The following PCDH7 variants were observed in gnomAD, a reference collection of about 807,000 sequenced individuals.
PCDH7 encodes the protein protocadherin-7.
Under a neutral mutation model 58.9 loss-of-function variants are expected in PCDH7, and 17 were observed. The observed-to-expected ratio is 0.29, with a 90% CI of 0.20 to 0.43. The LOEUF (loss-of-function observed/expected upper bound fraction) is 0.43. PCDH7 is among the 20% of genes least tolerant of loss of function. The probability of loss-of-function intolerance (pLI) is 1.00; values close to 1 mark genes in which losing one functional copy is unlikely to be tolerated. For missense variants in PCDH7, 1,274 were observed against 1,441.0 expected (o/e 0.88, Z 1.88); for synonymous variants, 664 against 616.4 (o/e 1.08, Z -1.14).
At chr4:30,873,935 G>C (rs891134530) in intron 1 of PCDH7, among the ~76,000 whole-genome samples, 5 of 152,130 alleles carry the variant, frequency 3.3e-5, no homozygotes, top group African/African-American at 9.6e-5. Context: ...AACAGTATTT[G>C]AAAGCTCTTT....
chr4:31,062,693 T>C (rs1757782215), intron 3 of PCDH7, among the ~76,000 whole-genome samples: 1 of 151,834 alleles, frequency 6.6e-6, no homozygotes, highest in African/African-American at 2.4e-5. Context: ...CATATTCTTT[T>C]CAGGGTCATT....
chr4:31,136,474 G>A lies in PCDH7; in HGVS notation c.*8-5999G>A, dbSNP rs578212556. ...CTCTTTGCAGGAAGGGCCCAGGAAT[G>A]GTACAGATGATGCCACAGCAAGGAT... is the stretch of plus-strand genomic sequence containing the variant. On this transcript the variant is annotated intron_variant, in intron 3 of 3. Coordinates refer to the PCDH7 transcript ENST00000509759. Among the ~76,000 whole-genome samples, 97 of 152,256 alleles carry A rather than the reference G, an allele frequency of 6.4e-4. 2 individuals are homozygous for A. In the South Asian group the frequency reaches 0.02, roughly 31 times the overall value.
At chr4:31,100,706 A>AT (rs367992297) in intron 3 of PCDH7, among the ~76,000 whole-genome samples, 3 of 152,180 alleles carry the variant, frequency 2.0e-5, no homozygotes, top group Admixed American at 6.5e-5. Flanking sequence ...CCTCTTTAGG[A>AT]TTTTTTCCAT....
chr4:30,754,182 G>GTT (rs1396259328), intron 1 of PCDH7, among the ~76,000 whole-genome samples: 3 of 139,848 alleles, frequency 2.1e-5, no homozygotes, highest in African/African-American at 6.3e-5. Flanking sequence ...GTGTGTGTGT[G>GTT]TGTGTGTTTT....
chr4:31,025,487 G>A (rs1181482699), intron 3 of PCDH7, among the ~76,000 whole-genome samples: 1 of 152,124 alleles, frequency 6.6e-6, no homozygotes. Flanking sequence ...CACTTAACAA[G>A]GATTCAGTCT....
chr4:30,723,832 G>C lies in PCDH7; in HGVS notation c.2410G>C (p.Val804Leu), dbSNP rs1039373593. The change falls in exon 1 of 2, where the codon GTG becomes CTG. Residue 804 changes from valine (V) to leucine (L), a missense_variant. Coordinates refer to ENST00000361762, the Ensembl canonical transcript of PCDH7. The surrounding 1 kb of genome is among the most constrained non-coding windows in gnomAD (Gnocchi z 4.6). ...TCCCACTAGTGGTGTGGTTTCCTTAGTGGGAAAACTCACCCAAAAGCATTA... is the reference window on the plus strand; with the variant it reads ...TCCCACTAGTGGTGTGGTTTCCTTACTGGGAAAACTCACCCAAAAGCATTA... The C allele has an allele frequency of 2.5e-6, 4 of 1,614,026 alleles. No individual in the cohort carries two copies. Among genetic ancestry groups the C allele is most frequent in the Non-Finnish European group, 3.4e-6 (4 of 1,180,040 alleles).
chr4:30,761,809 A>G lies in PCDH7; in HGVS notation c.70+37213A>G, dbSNP rs574271042. On this transcript the variant is annotated intron_variant, in intron 1 of 3. Coordinates refer to the PCDH7 transcript ENST00000509759. ...AATAATATAAAATCTTACAACAGTA[A>G]TATGAATTAGATATGCTATTTAATC... 1.8e-4 allele frequency among the ~76,000 whole-genome samples: 28 copies of G among 152,348 alleles called. No individual in the cohort carries two copies. In the East Asian group the frequency reaches 5.2e-3, roughly 28 times the overall value.
intron 3 of PCDH7, among the ~76,000 whole-genome samples, chr4:31,026,493 T>C (rs534776502): frequency 6.6e-6 from 1 of 152,204 alleles, no homozygotes; most frequent in South Asian, 2.1e-4. Flanking sequence ...AGCTGACAGA[T>C]GCTATGATAA....
intron 1 of PCDH7, among the ~76,000 whole-genome samples, chr4:30,896,889 C>CTTTTTTATTT (rs1739470337): frequency 3.7e-5 from 1 of 27,338 alleles, no homozygotes; most frequent in Non-Finnish European, 6.2e-5. Flanking sequence ...TAGTTCTTTG[C>CTTTTTTATTT]TTTTTTTTTT....
At chr4:31,107,925 GTTA>G (rs1352997668) in intron 3 of PCDH7, among the ~76,000 whole-genome samples, 2 of 152,004 alleles carry the variant, frequency 1.3e-5, no homozygotes, top group Admixed American at 1.3e-4. Flanking sequence ...ATTAGTAGTT[GTTA>G]TTAAATTCAC....
chr4:31,125,230 G>A (rs1481091232), intron 3 of PCDH7, among the ~76,000 whole-genome samples: 1 of 152,142 alleles, frequency 6.6e-6, no homozygotes, highest in Admixed American at 6.5e-5. Flanking sequence ...AGGAAAAACA[G>A]GTTGGACACC....
At chr4:31,111,562 G>T (rs1420059344) in intron 3 of PCDH7, among the ~76,000 whole-genome samples, 1 of 151,874 alleles carries the variant, frequency 6.6e-6, no homozygotes, top group East Asian at 1.9e-4. Context: ...GGCCCATCTC[G>T]GCCTCCCACA....
At chr4:30,725,239 C>T (rs1370734392) in intron 1 of PCDH7, 1 of 990,500 alleles carries the variant, frequency 1.0e-6, no homozygotes, top group African/African-American at 1.8e-5. Flanking sequence ...ATACCTATAA[C>T]AATTAGTGTT....
At chr4:30,950,725 G>T (rs748706311) in intron 3 of PCDH7, among the ~76,000 whole-genome samples, 1 of 152,096 alleles carries the variant, frequency 6.6e-6, no homozygotes, top group African/African-American at 2.4e-5. Context: ...ACCCTACAAA[G>T]CTATGCCATT....
At chr4:30,724,802 T>A (rs1577542291) in intron 1 of PCDH7, 2 of 1,397,416 alleles carry the variant, frequency 1.4e-6, no homozygotes, top group East Asian at 5.2e-5. Context: ...AGAATTAAGG[T>A]TCACTAAACT....
At chr4:30,779,929 C>A (rs1243227156) in intron 1 of PCDH7, among the ~76,000 whole-genome samples, 1 of 152,174 alleles carries the variant, frequency 6.6e-6, no homozygotes, top group East Asian at 1.9e-4. Flanking sequence ...TTCTCTCAGG[C>A]AGCCTTGGCA....
At chr4:31,029,940 A>G (rs1041780301) in intron 3 of PCDH7, among the ~76,000 whole-genome samples, 1 of 152,174 alleles carries the variant, frequency 6.6e-6, no homozygotes, top group Non-Finnish European at 1.5e-5. Context: ...AGTTTAGAAA[A>G]CAAAACAAAC....
At chr4:30,840,374 G>A (rs887439072) in intron 1 of PCDH7, among the ~76,000 whole-genome samples, 4 of 151,952 alleles carry the variant, frequency 2.6e-5, no homozygotes, top group African/African-American at 9.7e-5. Context: ...CCTTAAACTC[G>A]CTTACTTAAG....
Position 31,135,034 on chromosome 4 carries a change from A to G in PCDH7, c.*8-7439A>G, listed in dbSNP as rs1451771432. ...TGTGTAGGGAGACTGGAAGAATTTC[A>G]TGTCCATGCATCATGAAATCTTCAT... is the stretch of plus-strand genomic sequence containing the variant. On this transcript the variant is annotated intron_variant, in intron 3 of 3. Transcript: ENST00000509759. 1.3e-5 allele frequency among the ~76,000 whole-genome samples: 2 copies of G among 152,124 alleles called. 1 individual carries two copies. The highest frequency in any genetic ancestry group is 2.9e-5 in the Non-Finnish European group (2 of 68,032).
Sources: gnomAD v4.1 joint callset for allele counts (sites outside exome capture counted in the v4.1 genomes callset) on GRCh38, gnomAD v4.1.1 for gene constraint, Gnocchi (gnomAD v3.1) non-coding constraint, MANE v1.5 for transcripts, NCBI Gene and HGNC (gene_info 2026-07-23, HGNC 2026-07-21) for gene names.